The following STRN3 variants were observed in gnomAD, a reference collection of about 807,000 sequenced individuals.
STRN3 encodes the protein striatin-3.
In STRN3, 29 loss-of-function variants were observed where a neutral mutation model predicts 95.6. That is an observed-to-expected ratio of 0.30 (90% CI 0.23 to 0.41). The LOEUF (loss-of-function observed/expected upper bound fraction) is 0.41, where lower values mean the gene tolerates loss of function less well. STRN3 is among the 10% of genes least tolerant of loss of function. The pLI is 1.00. For missense variants in STRN3, 890 were observed against 972.1 expected, an observed-to-expected ratio of 0.92 and a Z score of 1.12; for synonymous variants, 331 against 357.6, an observed-to-expected ratio of 0.93 and a Z score of 0.84.
Position 30,894,893 on chromosome 14 carries a change from C to T in STRN3, c.*518G>A, listed in dbSNP as rs200013117. 4.0e-4 allele frequency: 294 copies of T among 741,730 alleles called. No homozygotes were observed. Among genetic ancestry groups the T allele is most frequent in the Admixed American group, 2.2e-3 (47 of 21,692 alleles). 45.9% of individuals were successfully genotyped at this position (741,730 alleles called of 1,614,324 possible). Reference sequence around the variant, plus strand: ...ATATTTTAAGTTAAATTTTCTTTTTCTTTTTTTTTTTTTTTAAAGCAAAAT... The same window carrying T: ...ATATTTTAAGTTAAATTTTCTTTTTTTTTTTTTTTTTTTTTAAAGCAAAAT... On this transcript the variant is annotated 3_prime_UTR_variant, in exon 18 of 18. Transcript: ENST00000357479.
chr14:31,014,977 G>A (rs1270625381), intron 1 of STRN3, among the ~76,000 whole-genome samples: 5 of 151,916 alleles, frequency 3.3e-5, no homozygotes, highest in East Asian at 3.9e-4. Flanking sequence ...ACAGGCATGC[G>A]CCACCATGCC....
At chr14:30,975,535 C>A (rs1881049964) in intron 1 of STRN3, among the ~76,000 whole-genome samples, 1 of 104,602 alleles carries the variant, frequency 9.6e-6, no homozygotes, top group Admixed American at 9.3e-5. Context: ...ACCTATTCCC[C>A]CCTACTGAAA....
At position 30,895,094 on chromosome 14, in the gene STRN3, G is replaced by GA. The variant is rs575478418; in HGVS notation, c.*316dup. On this transcript the variant is annotated 3_prime_UTR_variant, in exon 18 of 18. Transcript: ENST00000357479. ...AAAAAAAAAAAGAAGAAGAAGAAGA[G>GA]AAAAAAAAAAACTTTTTTGAAAGAT... 0.013 allele frequency: 1,399 copies of GA among 106,948 alleles called. 4 individuals are homozygous for GA. The highest frequency in any genetic ancestry group is 0.022 in the African/African-American group (460 of 20,506). The allele number at this position is 106,948 out of a possible 1,614,324, so 6.6% of individuals were successfully genotyped here.
Position 31,003,361 on chromosome 14 carries a change from A to C in STRN3, c.282+22543T>G, listed in dbSNP as rs1210504249. On this transcript the variant is annotated intron_variant, in intron 1 of 17. Transcript: ENST00000357479. ...AATTTAAAAATTGGAAAAAAAAAAA[A>C]CAAACAACTCAAGCTGGATCATAGA... 1.5e-4 allele frequency among the ~76,000 whole-genome samples: 22 copies of C among 145,606 alleles called. No individual in the cohort carries two copies. The East Asian group carries it at 1.9e-3, about 13-fold the overall frequency.
At chr14:30,900,033 T>C (rs1896262530) in intron 16 of STRN3, among the ~76,000 whole-genome samples, 2 of 152,056 alleles carry the variant, frequency 1.3e-5, no homozygotes, top group African/African-American at 4.8e-5. Flanking sequence ...TTTACCACAA[T>C]TAAATGAGTT....
At chr14:30,993,394 T>C (rs572691477) in intron 1 of STRN3, among the ~76,000 whole-genome samples, 54 of 152,142 alleles carry the variant, frequency 3.5e-4, no homozygotes, top group Non-Finnish European at 6.9e-4. Context: ...TGAAGAGTAA[T>C]TGGCAAAAAT....
chr14:30,902,351 T>G (rs75664391), intron 16 of STRN3, among the ~76,000 whole-genome samples, 185 bp downstream of exon 16: 2,957 of 152,224 alleles, frequency 0.019, 89 homozygotes, highest in African/African-American at 0.067. Context: ...CAAGGTATTA[T>G]GTCTAGTTAA....
chr14:30,925,108 T>C (rs1237664670), intron 8 of STRN3, among the ~76,000 whole-genome samples: 1 of 151,958 alleles, frequency 6.6e-6, no homozygotes, highest in East Asian at 1.9e-4. Context: ...AGAGTACTAA[T>C]AAGATAAAGT....
At chr14:30,951,708 T>TC (rs1353944696) in intron 3 of STRN3, among the ~76,000 whole-genome samples, 5 of 152,200 alleles carry the variant, frequency 3.3e-5, no homozygotes, top group African/African-American at 9.6e-5. Flanking sequence ...TCACAGGACT[T>TC]CATCTAGCTA....
At position 30,984,347 on chromosome 14, in the gene STRN3, T is replaced by G. The variant is rs1881574592; in HGVS notation, c.283-28105A>C. 2.7e-5 allele frequency among the ~76,000 whole-genome samples: 4 copies of G among 147,462 alleles called. No individual in the cohort carries two copies. In the South Asian group the frequency reaches 8.6e-4, roughly 32 times the overall value. On this transcript the variant is annotated intron_variant, in intron 1 of 17. Transcript: ENST00000357479. ...TGAACCCAAGAGGCAGAGACTGCAG[T>G]GAGCTGAGATCATGCCACTGCACTC...
intron 1 of STRN3, among the ~76,000 whole-genome samples, chr14:31,016,901 T>A (rs936934737): frequency 1.6e-4 from 24 of 152,152 alleles, no homozygotes; most frequent in African/African-American, 5.8e-4. Flanking sequence ...ACACCTGTAA[T>A]CCTAGCACTT....
chr14:30,987,323 T>C (rs987498726), intron 1 of STRN3, among the ~76,000 whole-genome samples: 2 of 152,144 alleles, frequency 1.3e-5, no homozygotes, highest in East Asian at 1.9e-4. Context: ...CTGGCTAACA[T>C]GGTGAAACCC....
Position 30,917,791 on chromosome 14 carries a change from C to T in STRN3, c.1240+1175G>A, listed in dbSNP as rs201135362. ...ATTATTTAACTGTAAGGAAACTGTGCCACTAGGGAAATCTTAAAAGGGAAC... is the reference window on the plus strand; with the variant it reads ...ATTATTTAACTGTAAGGAAACTGTGTCACTAGGGAAATCTTAAAAGGGAAC... On this transcript the variant is annotated intron_variant, in intron 9 of 17. Coordinates refer to ENST00000357479, the MANE Select transcript of STRN3 (RefSeq NM_001083893.2). Among the ~76,000 whole-genome samples, 4 of 151,906 alleles carry T rather than the reference C, an allele frequency of 2.6e-5. No homozygotes were observed. In the East Asian group the frequency reaches 5.8e-4, roughly 22 times the overall value.
Position 31,026,219 on chromosome 14 carries a change from G to C in STRN3, c.-34C>G. 2.2e-6 allele frequency: 3 copies of C among 1,383,626 alleles called. No homozygotes were observed. Among genetic ancestry groups the C allele is most frequent in the Non-Finnish European group, 2.8e-6 (3 of 1,077,738 alleles). 85.7% of individuals were successfully genotyped at this position (1,383,626 alleles called of 1,614,324 possible). On this transcript the variant is annotated 5_prime_UTR_variant, in exon 1 of 18. Coordinates refer to ENST00000357479, the MANE Select transcript of STRN3 (RefSeq NM_001083893.2). Reference sequence around the variant, plus strand: ...GGGCCCCGGCCGGGGCGCAGGGCGAGACGCCGACAGCTGGGGGAAGGGCCG... The same window carrying C: ...GGGCCCCGGCCGGGGCGCAGGGCGACACGCCGACAGCTGGGGGAAGGGCCG...
chr14:31,016,906 G>A (rs1003203691), intron 1 of STRN3, among the ~76,000 whole-genome samples: 1 of 152,134 alleles, frequency 6.6e-6, no homozygotes, highest in Non-Finnish European at 1.5e-5. Flanking sequence ...TGTAATCCTA[G>A]CACTTTGGGA....
chr14:30,947,138 A>G lies in STRN3; in HGVS notation c.668T>C (p.Ile223Thr), dbSNP rs745738851. 1.9e-6 allele frequency: 3 copies of G among 1,609,756 alleles called. No homozygotes were observed. The highest frequency in any genetic ancestry group is 2.5e-6 in the Non-Finnish European group (3 of 1,178,794). Reference sequence around the variant, plus strand: ...CTTAGGAGATTCACCTCCATTCAGGATCTGTTCTAAATTCTTTGTTTCTAC... The same window carrying G: ...CTTAGGAGATTCACCTCCATTCAGGGTCTGTTCTAAATTCTTTGTTTCTAC... ...GSVETKNLEQ[I>T]LNGGESPKQK... Residue 223 changes from isoleucine to threonine, a missense_variant, in exon 5 of 18, where the codon ATC (isoleucine) becomes ACC (threonine). Physicochemically the swap from Ile to Thr is moderately conservative, Grantham distance 89. Transcript: ENST00000357479.
chr14:31,007,257 A>G (rs1361362808), intron 1 of STRN3, among the ~76,000 whole-genome samples: 1 of 152,254 alleles, frequency 6.6e-6, no homozygotes, highest in African/African-American at 2.4e-5. Flanking sequence ...AGTCTACATC[A>G]GAGCAAGAGA....
intron 1 of STRN3, among the ~76,000 whole-genome samples, chr14:30,990,297 G>T (rs1438764702): frequency 6.6e-6 from 1 of 151,542 alleles, no homozygotes; most frequent in African/African-American, 2.4e-5. Flanking sequence ...CAAGTAGCTG[G>T]GACTATAGGT....
At chr14:31,025,564 C>T in intron 1 of STRN3, 1 of 362,346 alleles carries the variant, frequency 2.8e-6, no homozygotes. Context: ...AGGCCCCAAA[C>T]CGGACTCTCC....
Sources: gnomAD v4.1 joint callset for allele counts (sites outside exome capture counted in the v4.1 genomes callset) on GRCh38, gnomAD v4.1.1 for gene constraint, MANE v1.5 for transcripts, NCBI Gene and HGNC (gene_info 2026-07-23, HGNC 2026-07-21) for gene names.